Variants in FREM1 observed in about 807,000 individuals in gnomAD.
FREM1 encodes FRAS1-related extracellular matrix protein 1.
FREM1 carries 220 observed loss-of-function variants against 210.1 expected under a neutral mutation model. The ratio of observed to expected loss-of-function variants is 1.05; its 90% CI spans 0.94 to 1.17. FREM1 has a LOEUF of 1.17. FREM1 is among the 50% of genes most tolerant of loss of function. The probability of loss-of-function intolerance (pLI) is 0.00; values close to 1 mark genes in which losing one functional copy is unlikely to be tolerated. For missense variants in FREM1, 3,454 were observed against 2,675.5 expected, an observed-to-expected ratio of 1.29 and a Z score of -6.42; for synonymous variants, 1,189 against 980.2, an observed-to-expected ratio of 1.21 and a Z score of -3.98.
At chr9:14,844,774 G>A (rs565067216) in intron 8 of FREM1, among the ~76,000 whole-genome samples, 1 of 152,160 alleles carries the variant, frequency 6.6e-6, no homozygotes, top group Non-Finnish European at 1.5e-5. Flanking sequence ...AAATCTAAGT[G>A]GAAATTGTTG....
chr9:14,880,698 T>C (rs1834643126), intron 1 of FREM1, among the ~76,000 whole-genome samples: 1 of 152,130 alleles, frequency 6.6e-6, no homozygotes, highest in African/African-American at 2.4e-5. Flanking sequence ...ACAAATCTTA[T>C]TGTGTTTAAA....
At chr9:14,831,622 T>A (rs372812250) in intron 10 of FREM1, among the ~76,000 whole-genome samples, 2 of 152,242 alleles carry the variant, frequency 1.3e-5, no homozygotes, top group Non-Finnish European at 2.9e-5. Context: ...CATTTTTCTA[T>A]GGGTAAATGC....
At position 14,868,741 on chromosome 9, in the gene FREM1, T is replaced by A. The variant is rs754799279; in HGVS notation, c.234+3A>T. 6 of 1,592,422 alleles carry A rather than the reference T, an allele frequency of 3.8e-6. No homozygotes were observed. The highest frequency in any genetic ancestry group is 5.2e-6 in the Non-Finnish European group (6 of 1,163,586). ...TGAACAGAAAATCGCAGATAGGACC[T>A]ACCTGTGGAGTGAGTTTCCCAACCC... On this transcript the variant is annotated splice_donor_region_variant and intron_variant, in intron 2 of 36. Coordinates refer to ENST00000380880, the MANE Select transcript of FREM1 (RefSeq NM_001379081.2).
Position 14,801,747 on chromosome 9 carries a change from C to T in FREM1, c.3599G>A (p.Gly1200Glu). The T allele has an allele frequency of 6.2e-7, 1 of 1,613,900 alleles. No homozygotes were observed. Residue 1200 changes from glycine to glutamate, a missense_variant, in exon 20 of 37, where the codon GGG becomes GAG. Coordinates refer to ENST00000380880, the MANE Select transcript of FREM1 (RefSeq NM_001379081.2). ...ATTCTCAGAGAAGTCTTTGCTAAACCCCCTATCGATGAGGAGGCCATGGCG... is the reference window on the plus strand; with the variant it reads ...ATTCTCAGAGAAGTCTTTGCTAAACTCCCTATCGATGAGGAGGCCATGGCG... ...KPRHGLLIDRGFSKDFSENKQ... is the reference protein window; with the variant it reads ...KPRHGLLIDREFSKDFSENKQ...
At chr9:14,905,187 C>G (rs1427014900) in intron 1 of FREM1, among the ~76,000 whole-genome samples, 1 of 152,104 alleles carries the variant, frequency 6.6e-6, no homozygotes, top group Non-Finnish European at 1.5e-5. Flanking sequence ...TAGTGCTGAT[C>G]ATTGAATCTT....
intron 1 of FREM1, among the ~76,000 whole-genome samples, chr9:14,874,992 G>C (rs1014651180): frequency 2.6e-5 from 4 of 152,050 alleles, no homozygotes; most frequent in Non-Finnish European, 5.9e-5. Flanking sequence ...CTTGAATATT[G>C]GCCCCCACTC....
intron 2 of FREM1, among the ~76,000 whole-genome samples, chr9:14,864,887 A>G (rs1377765807): frequency 6.6e-6 from 1 of 152,214 alleles, no homozygotes; most frequent in African/African-American, 2.4e-5. Context: ...TAAATTGACA[A>G]CTAGGAAGGA....
In FREM1 at chr9:14,848,761, C is replaced by A. The variant is rs370159965; in HGVS notation, c.1165G>T (p.Val389Leu). 580 of 1,606,192 alleles carry A rather than the reference C, an allele frequency of 3.6e-4. No individual in the cohort carries two copies. Among genetic ancestry groups the A allele is most frequent in the Non-Finnish European group, 4.5e-4 (530 of 1,173,138 alleles). Residue 389 changes from valine to leucine, a missense_variant, in exon 7 of 37, where the codon GTA (valine) becomes TTA (leucine). Val to Leu is a conservative substitution (Grantham distance 32, BLOSUM62 1). Coordinates refer to ENST00000380880, the MANE Select transcript of FREM1 (RefSeq NM_001379081.2). ...ERRHDEVELE[V>L]YDFFFERSAP... ...CTCCTTTCAAAGAAGAAGTCGTATA[C>A]CTCCAATTCTACCTGTAAACAAACA...
At chr9:14,800,696 G>A (rs550069837) in intron 20 of FREM1, among the ~76,000 whole-genome samples, 2 of 152,030 alleles carry the variant, frequency 1.3e-5, no homozygotes, top group Admixed American at 6.5e-5. Context: ...ATTTTTAATG[G>A]TAGTCTAAAA....
chr9:14,874,633 T>C (rs545537781), intron 1 of FREM1, among the ~76,000 whole-genome samples: 2 of 152,116 alleles, frequency 1.3e-5, no homozygotes, highest in East Asian at 3.9e-4. Context: ...TTTGCCAGTC[T>C]GTGTCTTTTA....
At position 14,842,669 on chromosome 9, in the gene FREM1, G is replaced by T; in HGVS notation, c.1394-9C>A. 2 of 1,603,526 alleles carry T rather than the reference G, an allele frequency of 1.2e-6. No homozygotes were observed. The highest frequency in any genetic ancestry group is 1.7e-6 in the Non-Finnish European group (2 of 1,172,002). On this transcript the variant is annotated splice_polypyrimidine_tract_variant and intron_variant, in intron 8 of 36. Coordinates refer to ENST00000380880, the MANE Select transcript of FREM1 (RefSeq NM_001379081.2). Reference sequence around the variant, plus strand: ...GAGAAACCCTTTCCCCCCTGAGGGAGAGAGCAGAGATGGAGCAGATTGAGC... The same window carrying T: ...GAGAAACCCTTTCCCCCCTGAGGGATAGAGCAGAGATGGAGCAGATTGAGC...
rs1378628070 is a variant in FREM1, at chr9:14,842,653, T to A, written c.1401A>T (p.Lys467Asn). 2.2e-5 allele frequency: 36 copies of A among 1,611,946 alleles called. No homozygotes were observed. Among genetic ancestry groups the A allele is most frequent in the Non-Finnish European group, 3.0e-5 (35 of 1,178,866 alleles). ...QHGWLTLRGGKGFLFTVADLQ... is the reference protein window; with the variant it reads ...QHGWLTLRGGNGFLFTVADLQ... ...GGTCAGCCACGGTGAAGAGAAACCCTTTCCCCCCTGAGGGAGAGAGCAGAG... is the reference window on the plus strand; with the variant it reads ...GGTCAGCCACGGTGAAGAGAAACCCATTCCCCCCTGAGGGAGAGAGCAGAG... The change falls in exon 9 of 37, where the codon AAA (lysine) becomes AAT (asparagine). Residue 467 changes from lysine (K) to asparagine (N), a missense_variant. Coordinates refer to ENST00000380880, the MANE Select transcript of FREM1 (RefSeq NM_001379081.2).
At position 14,868,940 on chromosome 9, in the gene FREM1, A is replaced by C; in HGVS notation, c.38T>G (p.Leu13Arg). ...GGCCCAGGCCAGGAGGAGCAGCAGC[A>C]GCACGGCATTCGCAGCCCCCCAACT... ...SLSWGAANAV[L>R]LLLLLAWASP... The change falls in exon 2 of 37, where the codon CTG (leucine) becomes CGG (arginine). Residue 13 changes from leucine (L) to arginine (R), a missense_variant. By Grantham distance (102) the Leu-to-Arg change is moderately radical. Transcript: ENST00000380880. 3 of 1,599,322 alleles carry C rather than the reference A, an allele frequency of 1.9e-6. No individual in the cohort carries two copies. The highest frequency in any genetic ancestry group is 2.6e-6 in the Non-Finnish European group (3 of 1,174,356).
At chr9:14,767,346 T>G (rs1372137533) in intron 27 of FREM1, among the ~76,000 whole-genome samples, 1 of 152,182 alleles carries the variant, frequency 6.6e-6, no homozygotes, top group East Asian at 1.9e-4. Context: ...AGAAGACAAG[T>G]CTGGTGTTCC....
intron 5 of FREM1, 48 bp from the exon 6 acceptor site, chr9:14,851,655 G>C: frequency 2.2e-5 from 29 of 1,343,378 alleles, no homozygotes; most frequent in South Asian, 3.5e-5. Flanking sequence ...TATGAATGAG[G>C]TGATATCATA....
chr9:14,843,958 C>T (rs1826144734), intron 8 of FREM1, among the ~76,000 whole-genome samples: 1 of 152,302 alleles, frequency 6.6e-6, no homozygotes, highest in South Asian at 2.1e-4. Flanking sequence ...TTAGATAAAT[C>T]AGTTGTTCTA....
At chr9:14,799,693 G>C (rs1292641994) in intron 20 of FREM1, among the ~76,000 whole-genome samples, 1 of 151,868 alleles carries the variant, frequency 6.6e-6, no homozygotes, top group Non-Finnish European at 1.5e-5. Context: ...TCTATTATTT[G>C]TAGCATGTGG....
At chr9:14,757,599 C>A (rs1844651887) in intron 28 of FREM1, among the ~76,000 whole-genome samples, 2 of 152,068 alleles carry the variant, frequency 1.3e-5, no homozygotes, top group Admixed American at 1.3e-4. Context: ...AAAAATAAGT[C>A]ATCAAATGAG....
intron 10 of FREM1, among the ~76,000 whole-genome samples, 154 bp from the exon 11 acceptor site, chr9:14,825,146 G>C (rs1001418064): frequency 2.6e-5 from 4 of 151,910 alleles, no homozygotes; most frequent in African/African-American, 7.3e-5. Context: ...AAGAATATGA[G>C]CCAAAAAATG....
Sources: allele counts gnomAD v4.1 joint callset (sites outside exome capture counted in the v4.1 genomes callset), GRCh38; gene constraint gnomAD v4.1.1; transcripts MANE v1.5; gene names NCBI Gene and HGNC (gene_info 2026-07-23, HGNC 2026-07-21).